The following NRG3 variants were observed in gnomAD, a reference collection of about 807,000 sequenced individuals.
The protein encoded by NRG3 is neuregulin 3, also known as pro-neuregulin-3, membrane-bound isoform.
Under a neutral mutation model 66.9 loss-of-function variants are expected in NRG3, and 31 were observed. That is an observed-to-expected ratio of 0.46 (90% CI 0.35 to 0.63). The LOEUF is 0.63. Among genes scored for constraint, NRG3 ranks in the 20% least tolerant of loss-of-function variants. The probability of loss-of-function intolerance (pLI) is 0.00; values close to 1 mark genes in which losing one functional copy is unlikely to be tolerated. For missense variants in NRG3, 910 were observed against 878.9 expected (o/e 1.04, Z -0.45); for synonymous variants, 393 against 359.4 (o/e 1.09, Z -1.06).
At chr10:82,384,042 C>T (rs2085809818) in intron 2 of NRG3, among the ~76,000 whole-genome samples, 1 of 151,838 alleles carries the variant, frequency 6.6e-6, no homozygotes, top group Non-Finnish European at 1.5e-5. Context: ...CAAATGAAAC[C>T]TTTTTGACAG....
intron 1 of NRG3, among the ~76,000 whole-genome samples, chr10:82,111,663 C>T (rs2067394725): frequency 6.6e-6 from 1 of 152,058 alleles, no homozygotes; most frequent in Admixed American, 6.6e-5. Context: ...ATCCAGCAGC[C>T]CACATTTATT....
At chr10:82,495,896 A>G (rs1843587191) in intron 2 of NRG3, among the ~76,000 whole-genome samples, 1 of 151,976 alleles carries the variant, frequency 6.6e-6, no homozygotes. Flanking sequence ...ATGTGAGACT[A>G]AAAACATTCT....
At chr10:82,239,093 A>G (rs944224261) in intron 1 of NRG3, among the ~76,000 whole-genome samples, 1 of 151,268 alleles carries the variant, frequency 6.6e-6, no homozygotes, top group African/African-American at 2.4e-5. Context: ...TTTTATTTTG[A>G]TATATAGTAT....
intron 2 of NRG3, among the ~76,000 whole-genome samples, chr10:82,618,952 A>G (rs1432457337): frequency 2.7e-5 from 4 of 149,944 alleles, no homozygotes; most frequent in Non-Finnish European, 4.4e-5. Context: ...ATTTAATTTT[A>G]TTTTGCTGTG....
At chr10:81,966,347 C>G (rs1253604902) in intron 1 of NRG3, among the ~76,000 whole-genome samples, 1 of 150,946 alleles carries the variant, frequency 6.6e-6, no homozygotes, top group African/African-American at 2.4e-5. Flanking sequence ...TATAATATAA[C>G]CTTTTTCTAA....
intron 1 of NRG3, among the ~76,000 whole-genome samples, chr10:81,938,618 A>AGTGT (rs373196547): frequency 2.0e-3 from 282 of 144,270 alleles, no homozygotes; most frequent in Admixed American, 3.4e-3. Flanking sequence ...GAGTTCTGAC[A>AGTGT]GTGTGTGTGT....
At chr10:81,941,559 G>C (rs1848405438) in intron 1 of NRG3, among the ~76,000 whole-genome samples, 1 of 152,158 alleles carries the variant, frequency 6.6e-6, no homozygotes, top group African/African-American at 2.4e-5. Context: ...AGCCTCTCAT[G>C]TCAGGCTAAG....
At chr10:82,601,276 G>A (rs892066383) in intron 2 of NRG3, among the ~76,000 whole-genome samples, 4 of 152,088 alleles carry the variant, frequency 2.6e-5, no homozygotes, top group African/African-American at 9.7e-5. Flanking sequence ...TATCTTTTTG[G>A]TAAAATGATT....
intron 1 of NRG3, among the ~76,000 whole-genome samples, chr10:82,221,070 A>G (rs1261717896): frequency 6.6e-6 from 1 of 152,232 alleles, no homozygotes; most frequent in Non-Finnish European, 1.5e-5. Flanking sequence ...AAAAATAAGT[A>G]GGCTAGGAAG....
chr10:82,961,356 A>G (rs533533950), intron 6 of NRG3, among the ~76,000 whole-genome samples: 1 of 152,202 alleles, frequency 6.6e-6, no homozygotes, highest in Non-Finnish European at 1.5e-5. Context: ...ATACCCATAA[A>G]AATCTCTATC....
At chr10:82,206,759 CTA>C (rs1157355012) in intron 1 of NRG3, among the ~76,000 whole-genome samples, 7 of 152,154 alleles carry the variant, frequency 4.6e-5, no homozygotes, top group Non-Finnish European at 1.0e-4. Context: ...TTTAGTAATT[CTA>C]TGTTTCTTCT....
intron 3 of NRG3, among the ~76,000 whole-genome samples, chr10:82,769,830 G>A (rs560285883): frequency 2.6e-5 from 4 of 151,860 alleles, no homozygotes; most frequent in South Asian, 4.2e-4. Flanking sequence ...TTGTGTACAC[G>A]CTCAGACATG....
At chr10:82,926,046 A>G (rs1161810009) in intron 4 of NRG3, among the ~76,000 whole-genome samples, 1 of 152,214 alleles carries the variant, frequency 6.6e-6, no homozygotes, top group African/African-American at 2.4e-5. Context: ...TTGGCTCCAA[A>G]GTACAGTTGG....
At chr10:82,793,286 T>G (rs2060663988) in intron 3 of NRG3, among the ~76,000 whole-genome samples, 1 of 152,198 alleles carries the variant, frequency 6.6e-6, no homozygotes, top group Non-Finnish European at 1.5e-5. Flanking sequence ...ACTTTTCCTC[T>G]CTGTTTATGC....
chr10:82,717,610 G>C (rs1007765581), intron 2 of NRG3, among the ~76,000 whole-genome samples: 5 of 151,854 alleles, frequency 3.3e-5, no homozygotes, highest in African/African-American at 1.2e-4. Flanking sequence ...CACGTTAGTA[G>C]TAGATCGGGG....
In NRG3 at chr10:82,788,661, C is replaced by T. The variant is rs369288770; in HGVS notation, c.1027+50011C>T. Among the ~76,000 whole-genome samples, 52 of 152,040 alleles carry T rather than the reference C, an allele frequency of 3.4e-4. 1 individual carries two copies. In the East Asian group the frequency reaches 4.1e-3, roughly 12 times the overall value. On this transcript the variant is annotated intron_variant, in intron 3 of 8. Coordinates refer to ENST00000372141, the MANE Select transcript of NRG3 (RefSeq NM_001010848.4). Reference sequence around the variant, plus strand: ...GGAGAAAATAAGATATATTAAGCTCCGAGTTTGAATCAGGAACTTAAAAAA... The same window carrying T: ...GGAGAAAATAAGATATATTAAGCTCTGAGTTTGAATCAGGAACTTAAAAAA...
intron 3 of NRG3, among the ~76,000 whole-genome samples, chr10:82,746,950 G>A (rs2058671440): frequency 6.6e-6 from 1 of 152,078 alleles, no homozygotes. Flanking sequence ...AGGCATGGCG[G>A]TATGCACCTG....
At chr10:82,746,670 G>A (rs1414339) in intron 3 of NRG3, among the ~76,000 whole-genome samples, 15 of 152,092 alleles carry the variant, frequency 9.9e-5, no homozygotes, top group East Asian at 7.7e-4. Flanking sequence ...TAAATTCTGC[G>A]TGTGGTGTTT....
intron 1 of NRG3, chr10:82,225,303 C>A (rs923859443): frequency 6.6e-6 from 1 of 152,130 alleles, no homozygotes; most frequent in Non-Finnish European, 1.5e-5. Flanking sequence ...ACATATGCTA[C>A]TTTTTCTGTT....
Sources: allele counts gnomAD v4.1 joint callset (sites outside exome capture counted in the v4.1 genomes callset), GRCh38; gene constraint gnomAD v4.1.1; transcripts MANE v1.5; gene names NCBI Gene and HGNC (gene_info 2026-07-23, HGNC 2026-07-21).